The following GALNT13 variants were observed in gnomAD, a reference collection of about 807,000 sequenced individuals.
GALNT13 encodes polypeptide N-acetylgalactosaminyltransferase 13, also known as UDP-GalNAc:polypeptide N-acetylgalactosaminyltransferase 13.
GALNT13 carries 28 observed loss-of-function variants against 64.2 expected under a neutral mutation model. That is an observed-to-expected ratio of 0.44 (90% CI 0.32 to 0.60). GALNT13 has a LOEUF of 0.60. Among genes scored for constraint, GALNT13 ranks in the 20% least tolerant of loss-of-function variants. The probability of loss-of-function intolerance (pLI) is 0.05; values close to 1 mark genes in which losing one functional copy is unlikely to be tolerated. For missense variants in GALNT13, 577 were observed against 669.8 expected (o/e 0.86, Z 1.53); for synonymous variants, 214 against 224.6 (o/e 0.95, Z 0.42).
At chr2:153,706,131 G>A in the GALNT13 span, among the ~76,000 whole-genome samples, 4 of 152,026 alleles carry the variant, frequency 2.6e-5, no homozygotes, top group Non-Finnish European at 2.9e-5. Context: ...ACATTAGCTG[G>A]CACTACAGGC....
At chr2:154,190,813 A>G (rs1364963099) in intron 4 of GALNT13, among the ~76,000 whole-genome samples, 1 of 152,214 alleles carries the variant, frequency 6.6e-6, no homozygotes, top group African/African-American at 2.4e-5. Flanking sequence ...GAAACAGGTG[A>G]ACCTAATTTT....
chr2:154,068,037 A>G (rs1025242549), intron 3 of GALNT13, among the ~76,000 whole-genome samples: 1 of 152,052 alleles, frequency 6.6e-6, no homozygotes, highest in Non-Finnish European at 1.5e-5. Context: ...TAATCCATTT[A>G]AAAAATGGGC....
chr2:153,325,900 G>A, the GALNT13 span, among the ~76,000 whole-genome samples: 1 of 152,278 alleles, frequency 6.6e-6, no homozygotes, highest in East Asian at 1.9e-4. Context: ...ATTTGCTGAG[G>A]AGTGTTTTAT....
the GALNT13 span, among the ~76,000 whole-genome samples, chr2:153,638,709 C>T: frequency 6.6e-6 from 1 of 152,028 alleles, no homozygotes; most frequent in Non-Finnish European, 1.5e-5. Flanking sequence ...TGGCCACTGT[C>T]ACAGGTAGGT....
At chr2:154,120,850 A>T (rs1236779364) in intron 3 of GALNT13, among the ~76,000 whole-genome samples, 1 of 152,160 alleles carries the variant, frequency 6.6e-6, no homozygotes, top group Non-Finnish European at 1.5e-5. Flanking sequence ...GCAGGAAAAC[A>T]GAGCAACCAC....
chr2:153,223,979 A>AAAAT, the GALNT13 span, among the ~76,000 whole-genome samples: 2 of 152,072 alleles, frequency 1.3e-5, no homozygotes, highest in Non-Finnish European at 2.9e-5. Context: ...CAAAAAAATA[A>AAAAT]AAATAAATAA....
chr2:153,992,101 A>T (rs543024023), intron 3 of GALNT13, among the ~76,000 whole-genome samples: 1 of 152,294 alleles, frequency 6.6e-6, no homozygotes, highest in African/African-American at 2.4e-5. Flanking sequence ...ATTTTGTCCT[A>T]GGGCTTTATA....
chr2:153,754,353 G>C, the GALNT13 span, among the ~76,000 whole-genome samples: 1 of 151,234 alleles, frequency 6.6e-6, no homozygotes, highest in Admixed American at 6.6e-5. Flanking sequence ...GTAGTACCTG[G>C]GTATATTGTT....
chr2:154,437,318 A>G (rs1006359624), intron 11 of GALNT13: 7 of 205,078 alleles, frequency 3.4e-5, no homozygotes, highest in South Asian at 1.8e-4. Context: ...CTGAGTAGCA[A>G]TGCTGCAGAG....
intron 7 of GALNT13, among the ~76,000 whole-genome samples, chr2:154,255,728 C>A (rs769919487): frequency 1.3e-5 from 2 of 151,782 alleles, no homozygotes; most frequent in Non-Finnish European, 2.9e-5. Flanking sequence ...TTCCTTGATC[C>A]CCAGATGGTT....
At chr2:153,189,727 G>A in the GALNT13 span, among the ~76,000 whole-genome samples, 26,228 of 151,918 alleles carry the variant, frequency 0.17, 2,401 homozygotes, top group African/African-American at 0.2. Flanking sequence ...ACACTGAATA[G>A]GAGTTCTGAT....
the GALNT13 span, among the ~76,000 whole-genome samples, chr2:153,510,985 T>A: frequency 1.3e-5 from 2 of 151,912 alleles, no homozygotes; most frequent in Non-Finnish European, 2.9e-5. Context: ...GAGGTAAGGA[T>A]GAAAGACTGA....
the GALNT13 span, among the ~76,000 whole-genome samples, chr2:153,581,194 A>G: frequency 6.6e-6 from 1 of 152,104 alleles, no homozygotes; most frequent in African/African-American, 2.4e-5. Context: ...AATATAGAGG[A>G]AAAAGACTCT....
chr2:153,267,076 C>T, the GALNT13 span, among the ~76,000 whole-genome samples: 2 of 152,202 alleles, frequency 1.3e-5, no homozygotes, highest in Non-Finnish European at 2.9e-5. Flanking sequence ...AGTTTGAAAC[C>T]CAGTGGGGCA....
chr2:153,839,637 A>C, the GALNT13 span, among the ~76,000 whole-genome samples: 5 of 151,906 alleles, frequency 3.3e-5, no homozygotes, highest in Admixed American at 2.6e-4. Flanking sequence ...ATATTTCTGA[A>C]GTGGAAATCC....
chr2:153,432,335 A>AT, the GALNT13 span, among the ~76,000 whole-genome samples: 227 of 152,304 alleles, frequency 1.5e-3, 8 homozygotes, highest in East Asian at 0.039. Flanking sequence ...TTTCAAAAGC[A>AT]TTTTTAAGAA....
intron 1 of GALNT13, among the ~76,000 whole-genome samples, chr2:153,872,870 C>T (rs565647708): frequency 1.3e-5 from 2 of 152,258 alleles, no homozygotes; most frequent in Middle Eastern, 3.4e-3. Context: ...TCATTCTCGC[C>T]GTGTGTGTCT....
At chr2:153,201,899 A>G in the GALNT13 span, among the ~76,000 whole-genome samples, 6 of 148,932 alleles carry the variant, frequency 4.0e-5, no homozygotes, top group African/African-American at 1.5e-4. Flanking sequence ...TCGTCTCTAT[A>G]CCCTTTCATG....
chr2:154,225,645 G>T (rs1202607599), intron 4 of GALNT13, among the ~76,000 whole-genome samples: 1 of 152,066 alleles, frequency 6.6e-6, no homozygotes, highest in Non-Finnish European at 1.5e-5. Flanking sequence ...CAGACAAAGG[G>T]AGATTAACAG....
Sources: gnomAD v4.1 joint callset for allele counts (sites outside exome capture counted in the v4.1 genomes callset) on GRCh38, gnomAD v4.1.1 for gene constraint, MANE v1.5 for transcripts, NCBI Gene and HGNC (gene_info 2026-07-23, HGNC 2026-07-21) for gene names.